Variants in RNF24 observed in about 807,000 individuals in gnomAD.
The protein encoded by RNF24 is ring finger protein 24.
RNF24 carries 14 observed loss-of-function variants against 20.0 expected under a neutral mutation model. The ratio of observed to expected loss-of-function variants is 0.70; its 90% CI spans 0.46 to 1.10. The LOEUF is 1.10. Ranked by LOEUF, RNF24 falls within the 50% of genes least tolerant of loss-of-function variation. The pLI, the probability that RNF24 is intolerant of heterozygous loss-of-function variation, is 0.00. For synonymous variants in RNF24, 45 were observed against 61.1 expected, an observed-to-expected ratio of 0.74 and a Z score of 1.23; for missense variants, 124 against 177.6, an observed-to-expected ratio of 0.70 and a Z score of 1.71.
At chr20:3,954,294 T>C (rs1393580146) in intron 2 of RNF24, among the ~76,000 whole-genome samples, 1 of 152,176 alleles carries the variant, frequency 6.6e-6, no homozygotes, top group Non-Finnish European at 1.5e-5. Context: ...TTTGTCTCTA[T>C]AGATTTGCCT....
At chr20:3,975,580 C>CA (rs149987823) in intron 1 of RNF24, among the ~76,000 whole-genome samples, 17,680 of 152,096 alleles carry the variant, frequency 0.12, 1,378 homozygotes, top group Non-Finnish European at 0.17. Context: ...ATTGTGTTCT[C>CA]AAAAAGATAT....
Position 3,934,381 on chromosome 20 carries a change from G to A in RNF24, c.309-180C>T, listed in dbSNP as rs1395188902. ...GAGAGGGAAGAGACAGAGAGAAGGAGTGGGGAGAGGCCAAGGGGTCAGCAA... is the reference window on the plus strand; with the variant it reads ...GAGAGGGAAGAGACAGAGAGAAGGAATGGGGAGAGGCCAAGGGGTCAGCAA... On this transcript the variant is annotated intron_variant, in intron 5 of 5. Transcript: ENST00000358395. The surrounding 1 kb of genome is among the most constrained non-coding windows in gnomAD (Gnocchi z 4.0). Among the ~76,000 whole-genome samples the A allele has an allele frequency of 6.6e-6, 1 of 152,204 alleles. No homozygotes were observed. Among genetic ancestry groups the A allele is most frequent in the African/African-American group, 2.4e-5 (1 of 41,454 alleles).
At chr20:3,970,693 A>T (rs1978318884) in intron 1 of RNF24, among the ~76,000 whole-genome samples, 1 of 152,122 alleles carries the variant, frequency 6.6e-6, no homozygotes, top group Non-Finnish European at 1.5e-5. Context: ...TAATTGAAAT[A>T]AAAAAACTAA....
intron 1 of RNF24, among the ~76,000 whole-genome samples, chr20:3,976,381 T>C (rs1428875563): frequency 6.6e-6 from 1 of 152,162 alleles, no homozygotes; most frequent in African/African-American, 2.4e-5. Flanking sequence ...CAACACCAAA[T>C]GCTGGCAAGA....
In RNF24 at chr20:4,013,086, T is replaced by G. The variant is rs368734167; in HGVS notation, c.-8+2351A>C. On this transcript the variant is annotated intron_variant, in intron 1 of 5. Transcript: ENST00000358395. ...CTTATCTGAATTAAATTAATTGATA[T>G]TAAGATTTTATTTAAATCATGCATT... is the stretch of plus-strand genomic sequence containing the variant. 2.0e-3 allele frequency among the ~76,000 whole-genome samples: 311 copies of G among 152,292 alleles called. 11 individuals are homozygous for G. The South Asian group carries it at 0.052, about 25-fold the overall frequency.
At chr20:3,949,687 A>G (rs1400693081) in intron 2 of RNF24, among the ~76,000 whole-genome samples, 1 of 152,176 alleles carries the variant, frequency 6.6e-6, no homozygotes, top group East Asian at 1.9e-4. Context: ...CTGTCATAAA[A>G]AAAAATAAAG....
rs1299286105 is a variant in RNF24, at chr20:3,967,977, A to C, written c.-7-3953T>G. Among the ~76,000 whole-genome samples the C allele has an allele frequency of 7.6e-5, 11 of 145,344 alleles. No homozygotes were observed. In the East Asian group the frequency reaches 1.6e-3, roughly 21 times the overall value. ...CACTGCACTCCAGCCTGGCAACAAA[A>C]AAAAAAAAAAAAAAAAAAGAAAGAA... On this transcript the variant is annotated intron_variant, in intron 1 of 5. Transcript: ENST00000358395.
chr20:4,011,796 C>T (rs966724438), intron 1 of RNF24, among the ~76,000 whole-genome samples: 5 of 152,070 alleles, frequency 3.3e-5, no homozygotes, highest in Admixed American at 2.0e-4. Context: ...TCCTGAATAC[C>T]GACCTAACTG....
intron 2 of RNF24, among the ~76,000 whole-genome samples, chr20:3,958,753 T>C (rs1600655700): frequency 2.0e-5 from 3 of 152,338 alleles, no homozygotes; most frequent in Admixed American, 6.5e-5. Flanking sequence ...GCGATTCTCC[T>C]GTCTCAGCCT....
rs6052215 is a variant in RNF24 at position 3,989,037 on chromosome 20, T to C, written c.-7-25013A>G. Among the ~76,000 whole-genome samples the C allele has an allele frequency of 7.2e-3, 1,100 of 152,214 alleles. 14 individuals carry two copies. Among genetic ancestry groups the C allele is most frequent in the African/African-American group, 0.025 (1,024 of 41,522 alleles). On this transcript the variant is annotated intron_variant, in intron 1 of 5. Coordinates refer to ENST00000358395, the MANE Select transcript of RNF24 (RefSeq NM_001134337.3). The stretch of plus-strand genomic sequence containing the variant: ...TCTTGGTTGTAAAGACGCTAAATAT[T>C]ATAAAGATGTCAATTTTCCTTAAAT...
chr20:3,947,330 T>G (rs1208483526), intron 3 of RNF24, among the ~76,000 whole-genome samples: 1 of 152,190 alleles, frequency 6.6e-6, no homozygotes, highest in East Asian at 1.9e-4. Context: ...AAATTAAGAA[T>G]TTCATGCTTA....
intron 4 of RNF24, among the ~76,000 whole-genome samples, chr20:3,944,380 T>C (rs1568618821): frequency 1.3e-5 from 2 of 152,130 alleles, no homozygotes; most frequent in Non-Finnish European, 1.5e-5. Flanking sequence ...ATGATTATTT[T>C]TATTATGATT....
chr20:3,993,435 C>T (rs1600704467), intron 1 of RNF24, among the ~76,000 whole-genome samples: 1 of 152,044 alleles, frequency 6.6e-6, no homozygotes, highest in East Asian at 1.9e-4. Flanking sequence ...TACAGGAGCC[C>T]GTCACCACAC....
chr20:3,938,000 T>G (rs959303609), intron 4 of RNF24, among the ~76,000 whole-genome samples: 1 of 152,224 alleles, frequency 6.6e-6, no homozygotes. Flanking sequence ...GGTCATATGG[T>G]AACTCTATGT....
intron 1 of RNF24, chr20:3,974,538 A>G (rs947886429): frequency 2.5e-6 from 2 of 790,596 alleles, no homozygotes; most frequent in African/African-American, 3.5e-5. Context: ...TTCTAAAACT[A>G]ATAAATGAGT....
intron 1 of RNF24, among the ~76,000 whole-genome samples, chr20:3,978,692 A>T (rs1042904553): frequency 2.6e-5 from 4 of 152,338 alleles, no homozygotes; most frequent in Admixed American, 6.5e-5. Flanking sequence ...ATTATTTTTA[A>T]AAAAAGTAGA....
chr20:3,981,004 A>G (rs988246036), intron 1 of RNF24, among the ~76,000 whole-genome samples: 1 of 151,698 alleles, frequency 6.6e-6, no homozygotes, highest in African/African-American at 2.4e-5. Flanking sequence ...CTGAATGCTT[A>G]TGGGTTACAG....
intron 1 of RNF24, among the ~76,000 whole-genome samples, chr20:3,971,438 CA>C (rs1978349494): frequency 6.6e-6 from 1 of 152,088 alleles, no homozygotes; most frequent in African/African-American, 2.4e-5. Flanking sequence ...AAGGAAGAAA[CA>C]ACATGGTAAA....
rs1336534047 is a variant in RNF24, at chr20:3,928,434, C to T, written c.*5629G>A. 1.3e-5 allele frequency: 2 copies of T among 152,230 alleles called. No homozygotes were observed. Among genetic ancestry groups the T allele is most frequent in the Non-Finnish European group, 2.9e-5 (2 of 68,090 alleles). 9.4% of individuals were successfully genotyped at this position (152,230 alleles called of 1,614,324 possible). On this transcript the variant is annotated 3_prime_UTR_variant, in exon 6 of 6. Transcript: ENST00000358395. ...GCCTGGAGGAAGCAGCTCTAACTTTCATCAGCGGGGACAAAAATGAACTTA... is the reference window on the plus strand; with the variant it reads ...GCCTGGAGGAAGCAGCTCTAACTTTTATCAGCGGGGACAAAAATGAACTTA...
Sources: gnomAD v4.1 joint callset for allele counts (sites outside exome capture counted in the v4.1 genomes callset) on GRCh38, gnomAD v4.1.1 for gene constraint, Gnocchi (gnomAD v3.1) non-coding constraint, MANE v1.5 for transcripts, NCBI Gene and HGNC (gene_info 2026-07-23, HGNC 2026-07-21) for gene names.